Variants in BEST4 observed in about 807,000 individuals in gnomAD.
BEST4 encodes the protein bestrophin 4.
Under a neutral mutation model 47.1 loss-of-function variants are expected in BEST4, and 36 were observed. The ratio of observed to expected loss-of-function variants is 0.76; its 90% CI spans 0.59 to 1.01. BEST4 has a LOEUF of 1.01. Among genes scored for constraint, BEST4 ranks in the 50% least tolerant of loss-of-function variants. The pLI, the probability that BEST4 is intolerant of heterozygous loss-of-function variation, is 0.00. For missense variants in BEST4, 550 were observed against 648.6 expected, an observed-to-expected ratio of 0.85 and a Z score of 1.65; for synonymous variants, 250 against 277.8, an observed-to-expected ratio of 0.90 and a Z score of 1.00.
upstream of BEST4, among the ~76,000 whole-genome samples, chr1:44,791,994 G>A (rs1008932569): frequency 2.0e-5 from 3 of 152,178 alleles, no homozygotes; most frequent in Admixed American, 6.5e-5. Flanking sequence ...TGTAATCCCA[G>A]CACTTTGGGA....
chr1:44,792,457 A>G (rs906106722), upstream of BEST4, among the ~76,000 whole-genome samples: 1 of 151,250 alleles, frequency 6.6e-6, no homozygotes, highest in African/African-American at 2.4e-5. Context: ...TCCCCATGGG[A>G]ACACGGGGAT....
rs919246376 is a variant in BEST4 at position 44,784,366 on chromosome 1, G to A, written c.1266C>T (p.Ser422=). The A allele has an allele frequency of 2.9e-6, 4 of 1,390,814 alleles. No individual in the cohort carries two copies. The highest frequency in any genetic ancestry group is 3.1e-5 in the African/African-American group (2 of 65,408). 86.2% of individuals were successfully genotyped at this position (1,390,814 alleles called of 1,614,324 possible). The change falls in exon 9 of 9, where the codon TCC becomes TCT. Residue 422 remains serine (S), a synonymous_variant. Coordinates refer to ENST00000372207, the MANE Select transcript of BEST4 (RefSeq NM_153274.3). This position sits in a 1 kb window ranked among gnomAD's most constrained non-coding sequence, Gnocchi z 6.2. ...CGAAGTTCCGGAGGCTGATGGCCGG[G>A]GAGGGCGCCCCTACGCCCAGGAAGC... The part of the protein sequence containing the change: ...LGRFLGVGAP[S]PAISLRNFGR...
chr1:44,786,288 T>G lies in BEST4; in HGVS notation c.482-60A>C. 6.5e-7 allele frequency: 1 copy of G among 1,533,918 alleles called. No homozygotes were observed. Among genetic ancestry groups the G allele is most frequent in the Non-Finnish European group, 8.8e-7 (1 of 1,138,968 alleles). On this transcript the variant is annotated intron_variant, in intron 3 of 8. Transcript: ENST00000372207. The surrounding 1 kb of genome is among the most constrained non-coding windows in gnomAD (Gnocchi z 4.9). ...CCTCTGCCGCCAGGGGAGGCTGCTG[T>G]TCCGCCGTCTGGCTCCCCTCCCTCG... is the stretch of plus-strand genomic sequence containing the variant.
downstream of BEST4, among the ~76,000 whole-genome samples, chr1:44,783,434 C>T (rs946178915): frequency 1.3e-5 from 2 of 152,064 alleles, no homozygotes; most frequent in Admixed American, 6.6e-5. Context: ...GGATGGCTGC[C>T]TTCACATCTG....
chr1:44,782,523 G>A (rs771187319), downstream of BEST4, among the ~76,000 whole-genome samples: 16 of 151,958 alleles, frequency 1.1e-4, no homozygotes, highest in African/African-American at 2.9e-4. Context: ...CCAGCTACTC[G>A]GGAGGCTGAG....
chr1:44,786,356 C>A lies in BEST4; in HGVS notation c.481+107G>T. ...AGGACTCGCGGTTCCGCGTTCCTGT[C>A]GCAGTCCAGACCCTTCCCTGGAGGC... On this transcript the variant is annotated intron_variant, in intron 3 of 8. Transcript: ENST00000372207. The surrounding 1 kb of genome is among the most constrained non-coding windows in gnomAD (Gnocchi z 4.9). 1 of 1,446,466 alleles carries A rather than the reference C, an allele frequency of 6.9e-7. No individual in the cohort carries two copies. The highest frequency in any genetic ancestry group is 9.3e-7 in the Non-Finnish European group (1 of 1,080,326). The allele number at this position is 1,446,466 out of a possible 1,614,324, so 89.6% of individuals were successfully genotyped here.
downstream of BEST4, among the ~76,000 whole-genome samples, chr1:44,782,785 CCCTCTGTCTTCCT>C (rs1446876574): frequency 6.6e-6 from 1 of 152,212 alleles, no homozygotes; most frequent in East Asian, 1.9e-4. Flanking sequence ...CTAGTGTCCC[CCCTCTGTCTTCCT>C]CCTCTGTTCT....
At chr1:44,791,931 G>A (rs1038327045), upstream of BEST4, among the ~76,000 whole-genome samples, 1 of 152,124 alleles carries the variant, frequency 6.6e-6, no homozygotes, top group African/African-American at 2.4e-5. Context: ...CTTTGGGAAA[G>A]CCATTGAACC....
rs773925139 is a variant in BEST4 at position 44,785,579 on chromosome 1, G to C, written c.714+20C>G. 1.9e-6 allele frequency: 3 copies of C among 1,540,148 alleles called. No individual in the cohort carries two copies. The highest frequency in any genetic ancestry group is 2.6e-6 in the Non-Finnish European group (3 of 1,136,744). On this transcript the variant is annotated intron_variant, in intron 5 of 8. Transcript: ENST00000372207. ...GGACATACAGTAGGCACTGGGACTC[G>C]GGAGGGGAGAGGCAGTTACTTGGGT... is the stretch of plus-strand genomic sequence containing the variant.
upstream of BEST4, among the ~76,000 whole-genome samples, chr1:44,788,596 A>G (rs1291148617): frequency 6.6e-6 from 1 of 152,244 alleles, no homozygotes; most frequent in Non-Finnish European, 1.5e-5. Context: ...TTCACAGATG[A>G]GGCTCCAAGA....
chr1:44,787,584 G>A lies in BEST4; in HGVS notation c.122C>T (p.Ala41Val), dbSNP rs768496607. ...LLYKEFLLFG[A>V]LYAVLSITYR... ...GGTGATGCTAAGCACAGCGTACAAG[G>A]CCCCAAAGAGGAGGAATTCCTTGTA... The change falls in exon 1 of 9, where the codon GCC becomes GTC. Residue 41 changes from alanine (A) to valine (V), a missense_variant. By Grantham distance (64) the Ala-to-Val change is moderately conservative. Coordinates refer to ENST00000372207, the MANE Select transcript of BEST4 (RefSeq NM_153274.3). 6.2e-7 allele frequency: 1 copy of A among 1,614,178 alleles called. No individual in the cohort carries two copies. Among genetic ancestry groups the A allele is most frequent in the Non-Finnish European group, 8.5e-7 (1 of 1,180,024 alleles).
At chr1:44,785,467 G>A (rs1651185078) in intron 5 of BEST4, 132 bp downstream of exon 5, 8 of 1,200,206 alleles carry the variant, frequency 6.7e-6, no homozygotes, top group South Asian at 1.5e-5. Flanking sequence ...GGTGGTGGGG[G>A]GCTTTTAGGA....
chr1:44,784,662 C>T lies in BEST4; in HGVS notation c.1115G>A (p.Arg372Gln), dbSNP rs1309779488. ...GAAGGTGGAGCCCAGGAATGAGGGC[C>T]GCAGAGACTCGGCCGCCGTGGCCAC... ...YTVATAAESL[R>Q]PSFLGSTFNL... is the part of the protein sequence containing the mutation. Residue 372 changes from arginine (R) to glutamine (Q), a missense_variant, in exon 8 of 9, where the codon CGG (arginine) becomes CAG (glutamine). This residue lies in a region of BEST4 where 255 missense variants were observed against 286.6 expected (regional missense o/e 0.89). Transcript: ENST00000372207. The surrounding 1 kb of genome is among the most constrained non-coding windows in gnomAD (Gnocchi z 6.2). The T allele has an allele frequency of 6.2e-7, 1 of 1,613,468 alleles. No homozygotes were observed. The highest frequency in any genetic ancestry group is 8.5e-7 in the Non-Finnish European group (1 of 1,179,848).
In BEST4 at chr1:44,784,837, G is replaced by C; in HGVS notation, c.994-54C>G. 1 of 1,608,162 alleles carries C rather than the reference G, an allele frequency of 6.2e-7. No homozygotes were observed. The highest frequency in any genetic ancestry group is 1.3e-5 in the African/African-American group (1 of 74,932). On this transcript the variant is annotated intron_variant, in intron 7 of 8. Coordinates refer to ENST00000372207, the MANE Select transcript of BEST4 (RefSeq NM_153274.3). The surrounding 1 kb of genome is among the most constrained non-coding windows in gnomAD (Gnocchi z 6.2). The stretch of plus-strand genomic sequence containing the variant: ...TCCTCTCCTCTCCTTCCCACGGCCG[G>C]GCTGAGAGCTGACCGGGAGAGGGGG...
rs1651304099 is a variant in BEST4 at position 44,787,847 on chromosome 1, A to G, written c.-142T>C. On this transcript the variant is annotated 5_prime_UTR_variant, in exon 1 of 9. Transcript: ENST00000372207. ...AGTGGACAAGGGGGTAGGAGCCTGC[A>G]GAGCAGAAAAGTACACCCCACCCCC... The G allele has an allele frequency of 2.0e-6, 2 of 979,240 alleles. No homozygotes were observed. The highest frequency in any genetic ancestry group is 5.1e-5 in the Admixed American group (2 of 39,082). The allele number at this position is 979,240 out of a possible 1,614,324, so 60.7% of individuals were successfully genotyped here. A position where few individuals can be genotyped will look rare whatever the true frequency, so the allele number is the denominator to read the frequency against.
Position 44,784,423 on chromosome 1 carries a change from G to C in BEST4, c.1209C>G (p.Pro403=). ...QVEASPGSGR[P]APAAQTPLLG... is the part of the protein sequence containing the mutation. Reference sequence around the variant, plus strand: ...GCAACGGGGTCTGCGCGGCGGGCGCGGGCCGACCAGATCCGGGGGACGCCT... The same window carrying C: ...GCAACGGGGTCTGCGCGGCGGGCGCCGGCCGACCAGATCCGGGGGACGCCT... The change falls in exon 9 of 9, where the codon CCC becomes CCG. Residue 403 remains proline (P), a synonymous_variant. Transcript: ENST00000372207. The surrounding 1 kb of genome is among the most constrained non-coding windows in gnomAD (Gnocchi z 6.2). The C allele has an allele frequency of 7.0e-7, 1 of 1,428,016 alleles. No individual in the cohort carries two copies. Among genetic ancestry groups the C allele is most frequent in the Non-Finnish European group, 9.1e-7 (1 of 1,101,472 alleles). The allele number at this position is 1,428,016 out of a possible 1,614,324, so 88.5% of individuals were successfully genotyped here.
upstream of BEST4, among the ~76,000 whole-genome samples, chr1:44,791,682 C>T (rs1405904431): frequency 6.6e-6 from 1 of 152,016 alleles, no homozygotes; most frequent in African/African-American, 2.4e-5. Flanking sequence ...GTTGACCAGT[C>T]CCTTTGTTTA....
At chr1:44,792,170 A>G (rs1285403159), upstream of BEST4, among the ~76,000 whole-genome samples, 2 of 152,108 alleles carry the variant, frequency 1.3e-5, no homozygotes, top group African/African-American at 4.8e-5. Flanking sequence ...TGAACCTGGG[A>G]GGTGGAGATT....
chr1:44,791,616 G>A (rs1651414167), upstream of BEST4, among the ~76,000 whole-genome samples: 1 of 151,870 alleles, frequency 6.6e-6, no homozygotes, highest in South Asian at 2.1e-4. Flanking sequence ...GGAAGAGGGC[G>A]GTCCCCAGGC....
Sources: gnomAD v4.1 joint callset for allele counts (sites outside exome capture counted in the v4.1 genomes callset) on GRCh38, gnomAD v4.1.1 for gene constraint, gnomAD v4.1.1 regional missense constraint, Gnocchi (gnomAD v3.1) non-coding constraint, MANE v1.5 for transcripts, NCBI Gene and HGNC (gene_info 2026-07-23, HGNC 2026-07-21) for gene names.